BCLAF3: variants seen among roughly 807,000 people sequenced by gnomAD.
The protein encoded by BCLAF3 is transient octamer binding factor 1.
A neutral mutation model predicts 51.2 loss-of-function variants in BCLAF3; 24 were observed. The observed-to-expected ratio is 0.47, with a 90% CI of 0.34 to 0.66. The LOEUF is 0.66. Ranked by LOEUF, BCLAF3 falls within the 30% of genes least tolerant of loss-of-function variation. The pLI is 0.01. For synonymous variants in BCLAF3, 152 were observed against 176.6 expected (o/e 0.86, Z 1.10); for missense variants, 465 against 525.1 (o/e 0.89, Z 1.12).
chrX:19,962,018 T>C, intron 4 of BCLAF3, among the ~76,000 whole-genome samples: 1 of 112,236 alleles, frequency 8.9e-6, no homozygotes, highest in Non-Finnish European at 1.9e-5. Flanking sequence ...ATTTCTCATA[T>C]CAAATTATAA....
At chrX:19,964,611 G>C (rs768241791) in intron 4 of BCLAF3, among the ~76,000 whole-genome samples, 1 of 110,885 alleles carries the variant, frequency 9.0e-6, no homozygotes, top group African/African-American at 3.3e-5. Flanking sequence ...CTTTCCTCCC[G>C]TATAAAACTA....
In BCLAF3 at chrX:19,917,215, G is replaced by T; in HGVS notation, c.*90C>A. ...TTTATCAAGAAGTTACAGTATTAGT[G>T]CCTTAGTGTCACTTCTAACTCCTGA... On this transcript the variant is annotated 3_prime_UTR_variant, in exon 12 of 12. Coordinates refer to ENST00000379682, the MANE Select transcript of BCLAF3 (RefSeq NM_001367774.2). The T allele has an allele frequency of 2.4e-6, 2 of 817,235 alleles. No homozygotes were observed. The highest frequency in any genetic ancestry group is 3.7e-6 in the Non-Finnish European group (2 of 543,898). The allele number at this position is 817,235 out of a possible 1,213,427, so 67.3% of individuals were successfully genotyped here. A position where few individuals can be genotyped will look rare whatever the true frequency, so the allele number is the denominator to read the frequency against.
rs2069944949 is a variant in BCLAF3 at position 19,916,667 on chromosome X, C to T, written c.*638G>A. ...ATAGCATTTTGAAATTGGAAAAGAG[C>T]AAATAGTTGTGGAAAAAAACTGAAT... On this transcript the variant is annotated 3_prime_UTR_variant, in exon 12 of 12. Coordinates refer to ENST00000379682, the MANE Select transcript of BCLAF3 (RefSeq NM_001367774.2). 1 of 112,172 alleles carries T rather than the reference C, an allele frequency of 8.9e-6. No homozygotes were observed. The highest frequency in any genetic ancestry group is 3.2e-5 in the African/African-American group (1 of 30,874). 9.2% of individuals were successfully genotyped at this position (112,172 alleles called of 1,213,427 possible).
chrX:19,918,534 C>CTTTT (rs749600263), intron 11 of BCLAF3, among the ~76,000 whole-genome samples: 4 of 55,198 alleles, frequency 7.2e-5, no homozygotes, highest in African/African-American at 1.1e-4. Context: ...CCAACCCGGC[C>CTTTT]TTTTTTTTTT....
At position 19,916,024 on chromosome X, in the gene BCLAF3, A is replaced by C. The variant is rs2069930240; in HGVS notation, c.*1281T>G. On this transcript the variant is annotated 3_prime_UTR_variant, in exon 12 of 12. Coordinates refer to ENST00000379682, the MANE Select transcript of BCLAF3 (RefSeq NM_001367774.2). Reference sequence around the variant, plus strand: ...CTTATCATGAACTCACTTAAGGAAAAGGCTGCCCTCTCTTTTAAAGATATG... The same window carrying C: ...CTTATCATGAACTCACTTAAGGAAACGGCTGCCCTCTCTTTTAAAGATATG... 8.9e-6 allele frequency: 1 copy of C among 111,832 alleles called. No homozygotes were observed. Among genetic ancestry groups the C allele is most frequent in the African/African-American group, 3.2e-5 (1 of 30,820 alleles). The allele number at this position is 111,832 out of a possible 1,213,427, so 9.2% of individuals were successfully genotyped here.
chrX:19,935,851 C>A lies in BCLAF3; in HGVS notation c.1908G>T (p.Glu636Asp). The change falls in exon 10 of 12, where the codon GAG (glutamate) becomes GAT (aspartate). Residue 636 changes from glutamate (E) to aspartate (D), a missense_variant. Glu to Asp is a conservative substitution (Grantham distance 45). Transcript: ENST00000379682. The stretch of plus-strand genomic sequence containing the variant: ...TTGTGTTTCGGTGGTTTCCCTCAAC[C>A]TCAAATGGTTTGTGAGTAATTATGT... ...RKDIITHKPF[E>D]VEGNHRNTRV... The A allele has an allele frequency of 8.3e-7, 1 of 1,210,373 alleles. No individual in the cohort carries two copies. Among genetic ancestry groups the A allele is most frequent in the Non-Finnish European group, 1.1e-6 (1 of 894,598 alleles).
At chrX:19,962,061 TTAAAA>T (rs749017442) in intron 4 of BCLAF3, among the ~76,000 whole-genome samples, 2 of 112,923 alleles carry the variant, frequency 1.8e-5, no homozygotes, top group African/African-American at 3.2e-5. Context: ...ATGAGGTCTA[TTAAAA>T]TAAAACTCTT....
chrX:19,979,701 A>G (rs2072548116), intron 1 of BCLAF3, among the ~76,000 whole-genome samples: 1 of 111,069 alleles, frequency 9.0e-6, no homozygotes, highest in African/African-American at 3.3e-5. Flanking sequence ...ACAGAAATAG[A>G]TGAAAAACAA....
intron 11 of BCLAF3, chrX:19,923,330 T>A (rs968428651): frequency 5.4e-5 from 7 of 129,083 alleles, no homozygotes; most frequent in Non-Finnish European, 6.5e-5. Context: ...TTGAAACCAT[T>A]AAAGTTGGAA....
At chrX:19,933,060 A>G (rs1457941743) in intron 10 of BCLAF3, among the ~76,000 whole-genome samples, 1 of 111,988 alleles carries the variant, frequency 8.9e-6, no homozygotes, top group African/African-American at 3.2e-5. Flanking sequence ...AGGAAAAGAG[A>G]TTGAGTCTTA....
chrX:19,970,200 C>T (rs1184589484), intron 2 of BCLAF3, 24 bp downstream of exon 2: 1 of 1,193,923 alleles, frequency 8.4e-7, no homozygotes, highest in Non-Finnish European at 1.1e-6. Context: ...CAAATCCAAG[C>T]TTACTCTGCT....
chrX:19,920,335 T>C (rs1451088238), intron 11 of BCLAF3, among the ~76,000 whole-genome samples: 2 of 111,827 alleles, frequency 1.8e-5, no homozygotes, highest in African/African-American at 6.5e-5. Flanking sequence ...TGAGAAAGAC[T>C]ATATGCTAAG....
intron 1 of BCLAF3, among the ~76,000 whole-genome samples, chrX:19,989,879 G>C (rs913570514): frequency 9.1e-6 from 1 of 110,490 alleles, no homozygotes; most frequent in Non-Finnish European, 1.9e-5. Flanking sequence ...TCTTGGGGGT[G>C]ACTGAAACAG....
intron 11 of BCLAF3, chrX:19,923,154 C>A (rs1279458434): frequency 8.9e-6 from 1 of 111,940 alleles, no homozygotes; most frequent in Non-Finnish European, 1.9e-5. Context: ...ATTAGATAAC[C>A]TACCAATGTG....
chrX:19,940,540 G>A (rs2070982712), intron 8 of BCLAF3, among the ~76,000 whole-genome samples: 2 of 110,483 alleles, frequency 1.8e-5, no homozygotes, highest in Non-Finnish European at 3.8e-5. Flanking sequence ...TTGTTCTTGC[G>A]ATAATTTACT....
chrX:19,929,014 TAC>T (rs1380626070), intron 11 of BCLAF3: 43 of 111,775 alleles, frequency 3.8e-4, no homozygotes, highest in African/African-American at 1.4e-3. Context: ...TCATGGTGAC[TAC>T]AGTTAATTAC....
intron 4 of BCLAF3, among the ~76,000 whole-genome samples, chrX:19,958,273 T>G (rs1459240388): frequency 1.8e-5 from 2 of 111,893 alleles, no homozygotes; most frequent in African/African-American, 6.5e-5. Context: ...AATTTCCTGT[T>G]GCACACACTT....
intron 8 of BCLAF3, among the ~76,000 whole-genome samples, chrX:19,938,416 G>A (rs2070860480): frequency 1.8e-5 from 2 of 111,951 alleles, no homozygotes; most frequent in African/African-American, 6.5e-5. Context: ...TTGTTTTTGA[G>A]ACAGAGTCTT....
At chrX:19,990,142 GAAAAAAAAAA>G (rs376381001) in intron 1 of BCLAF3, among the ~76,000 whole-genome samples, 2 of 50,809 alleles carry the variant, frequency 3.9e-5, no homozygotes, top group African/African-American at 7.3e-5. Context: ...TTTGTTCCAG[GAAAAAAAAAA>G]AAAAAAAAAA....
Sources: gnomAD v4.1 joint callset for allele counts (sites outside exome capture counted in the v4.1 genomes callset) on GRCh38, gnomAD v4.1.1 for gene constraint, MANE v1.5 for transcripts, NCBI Gene and HGNC (gene_info 2026-07-23, HGNC 2026-07-21) for gene names.